The following STARD3NL variants were observed in gnomAD, a reference collection of about 807,000 sequenced individuals.
STARD3NL encodes the protein STARD3 N-terminal like.
In STARD3NL, 17 loss-of-function variants were observed where a neutral mutation model predicts 30.9. The ratio of observed to expected loss-of-function variants is 0.55; its 90% CI spans 0.38 to 0.82. STARD3NL has a LOEUF of 0.82. STARD3NL is among the 40% of genes least tolerant of loss of function. The pLI is 0.00. For synonymous variants in STARD3NL, 112 were observed against 100.5 expected (o/e 1.11, Z -0.69); for missense variants, 234 against 277.6 (o/e 0.84, Z 1.12).
At chr7:38,212,488 A>G (rs1377683613) in intron 2 of STARD3NL, among the ~76,000 whole-genome samples, 1 of 152,174 alleles carries the variant, frequency 6.6e-6, no homozygotes, top group African/African-American at 2.4e-5. Flanking sequence ...CTTATTTGCT[A>G]TCTCTCTCAC....
chr7:38,190,593 T>C (rs1784645087), intron 1 of STARD3NL, among the ~76,000 whole-genome samples: 1 of 152,208 alleles, frequency 6.6e-6, no homozygotes, highest in East Asian at 1.9e-4. Flanking sequence ...CCTTCAGTAC[T>C]TCAGCGTGCA....
intron 2 of STARD3NL, among the ~76,000 whole-genome samples, chr7:38,209,957 T>A (rs1166565534): frequency 6.6e-6 from 1 of 152,206 alleles, no homozygotes; most frequent in Non-Finnish European, 1.5e-5. Context: ...ACCTGTAAAA[T>A]TAAAAGATTG....
At chr7:38,188,054 G>C (rs144008779) in intron 1 of STARD3NL, among the ~76,000 whole-genome samples, 26 of 152,298 alleles carry the variant, frequency 1.7e-4, no homozygotes, top group African/African-American at 4.8e-4. Context: ...TATTGCTGCT[G>C]TCTCCTAACT....
chr7:38,185,105 T>A (rs1212574019), intron 1 of STARD3NL, among the ~76,000 whole-genome samples: 1 of 152,076 alleles, frequency 6.6e-6, no homozygotes, highest in African/African-American at 2.4e-5. Context: ...TTAGTGGTCT[T>A]TGTGTGATTC....
intron 1 of STARD3NL, among the ~76,000 whole-genome samples, chr7:38,187,140 C>T (rs565900053): frequency 6.6e-6 from 1 of 152,304 alleles, no homozygotes; most frequent in African/African-American, 2.4e-5. Flanking sequence ...AGCTGGCTGA[C>T]TCAGCCCATG....
chr7:38,190,664 A>G (rs1302249650), intron 1 of STARD3NL, among the ~76,000 whole-genome samples: 2 of 152,090 alleles, frequency 1.3e-5, no homozygotes, highest in Non-Finnish European at 2.9e-5. Flanking sequence ...CAATTCTCCA[A>G]TTGACTTTTG....
At chr7:38,227,771 C>T (rs989051261) in intron 7 of STARD3NL, among the ~76,000 whole-genome samples, 1 of 151,962 alleles carries the variant, frequency 6.6e-6, no homozygotes, top group Non-Finnish European at 1.5e-5. Context: ...TATTTGGTAA[C>T]ATCAGTATTG....
chr7:38,203,027 T>A (rs1785264031), intron 1 of STARD3NL, among the ~76,000 whole-genome samples: 1 of 151,826 alleles, frequency 6.6e-6, no homozygotes, highest in Admixed American at 6.6e-5. Flanking sequence ...AGTGCTGCAA[T>A]AAACATACAT....
At chr7:38,200,171 A>G (rs1785109423) in intron 1 of STARD3NL, among the ~76,000 whole-genome samples, 1 of 152,206 alleles carries the variant, frequency 6.6e-6, no homozygotes, top group Admixed American at 6.5e-5. Flanking sequence ...GAGGAATTTG[A>G]CAGGTGGAAA....
intron 1 of STARD3NL, among the ~76,000 whole-genome samples, chr7:38,189,775 G>T (rs776590751): frequency 6.6e-5 from 10 of 152,148 alleles, no homozygotes; most frequent in Admixed American, 6.5e-5. Context: ...TTTGATAGTT[G>T]TATTAAGGGC....
At chr7:38,182,232 G>A (rs1382576665) in intron 1 of STARD3NL, among the ~76,000 whole-genome samples, 1 of 152,036 alleles carries the variant, frequency 6.6e-6, no homozygotes, top group African/African-American at 2.4e-5. Context: ...ACACTGTTAG[G>A]CTTTTCTCAG....
At chr7:38,200,191 A>G (rs1785110432) in intron 1 of STARD3NL, among the ~76,000 whole-genome samples, 1 of 152,204 alleles carries the variant, frequency 6.6e-6, no homozygotes, top group Non-Finnish European at 1.5e-5. Flanking sequence ...ATAGGCAACA[A>G]GAAGCAGCTG....
At chr7:38,212,528 T>A (rs1785867250) in intron 2 of STARD3NL, among the ~76,000 whole-genome samples, 1 of 152,222 alleles carries the variant, frequency 6.6e-6, no homozygotes, top group African/African-American at 2.4e-5. Flanking sequence ...CATGAAGACA[T>A]ATTATTTTGT....
chr7:38,206,117 C>A (rs1785457635), intron 1 of STARD3NL, among the ~76,000 whole-genome samples: 1 of 152,176 alleles, frequency 6.6e-6, no homozygotes, highest in African/African-American at 2.4e-5. Flanking sequence ...AGACGAAGTT[C>A]TGGACAGTGA....
At chr7:38,190,019 T>G (rs1784616792) in intron 1 of STARD3NL, among the ~76,000 whole-genome samples, 2 of 152,260 alleles carry the variant, frequency 1.3e-5, no homozygotes, top group Admixed American at 1.3e-4. Context: ...CATGAAAATT[T>G]GCCTTTGCTT....
At chr7:38,192,098 A>G (rs1205368945) in intron 1 of STARD3NL, among the ~76,000 whole-genome samples, 1 of 152,170 alleles carries the variant, frequency 6.6e-6, no homozygotes, top group Non-Finnish European at 1.5e-5. Flanking sequence ...AATATTGCAT[A>G]TCTTTTATTA....
intron 1 of STARD3NL, among the ~76,000 whole-genome samples, chr7:38,204,749 AAAG>A (rs1269311088): frequency 6.6e-6 from 1 of 152,116 alleles, no homozygotes; most frequent in Non-Finnish European, 1.5e-5. Flanking sequence ...CAAGACTAAT[AAAG>A]AAGAAAAGAG....
intron 1 of STARD3NL, among the ~76,000 whole-genome samples, chr7:38,192,979 C>T (rs1377418060): frequency 6.6e-6 from 1 of 152,016 alleles, no homozygotes; most frequent in Non-Finnish European, 1.5e-5. Flanking sequence ...TTCTCCCTGG[C>T]TCTTTCCAAA....
intron 1 of STARD3NL, among the ~76,000 whole-genome samples, chr7:38,201,098 G>A (rs1287981753): frequency 6.6e-6 from 1 of 152,100 alleles, no homozygotes; most frequent in Non-Finnish European, 1.5e-5. Flanking sequence ...TAATTCACTG[G>A]ATTAAGTAGG....
Sources: gnomAD v4.1 joint callset for allele counts (sites outside exome capture counted in the v4.1 genomes callset) on GRCh38, gnomAD v4.1.1 for gene constraint, MANE v1.5 for transcripts, NCBI Gene and HGNC (gene_info 2026-07-23, HGNC 2026-07-21) for gene names.